CNOT4: variants seen among roughly 807,000 people sequenced by gnomAD.
CNOT4 encodes the protein CCR4-NOT transcription complex subunit 4.
CNOT4 carries 8 observed loss-of-function variants against 73.8 expected under a neutral mutation model. That is an observed-to-expected ratio of 0.11 (90% confidence interval 0.06 to 0.20). The LOEUF (loss-of-function observed/expected upper bound fraction) is 0.20, where lower values mean the gene tolerates loss of function less well. Ranked by LOEUF, CNOT4 falls within the 10% of genes least tolerant of loss-of-function variation. The probability of loss-of-function intolerance (pLI) is 1.00; values close to 1 mark genes in which losing one functional copy is unlikely to be tolerated. For synonymous variants in CNOT4, 293 were observed against 321.1 expected (o/e 0.91, Z 0.94); for missense variants, 564 against 883.4 (o/e 0.64, Z 4.58).
intron 2 of CNOT4, among the ~76,000 whole-genome samples, chr7:135,434,190 G>A (rs1799018851): frequency 6.6e-6 from 1 of 152,262 alleles, no homozygotes; most frequent in East Asian, 1.9e-4. Context: ...CCCTCTCTAG[G>A]CCTCTAGCAA....
chr7:135,422,464 T>C, intron 2 of CNOT4, 111 bp from the exon 3 acceptor site: 3 of 621,612 alleles, frequency 4.8e-6, no homozygotes, highest in Non-Finnish European at 8.6e-6. Context: ...ACATTCTCCC[T>C]TTATTAGAAT....
rs147031509 is a variant in CNOT4, at chr7:135,449,206, C to T, written c.-92-10783G>A. On this transcript the variant is annotated intron_variant, in intron 1 of 11. Coordinates refer to ENST00000541284, the MANE Select transcript of CNOT4 (RefSeq NM_001190850.2). ...GGATGCACATAAAGGTGATAAAAGT[C>T]ATGATAGTGACTACCTCTAAGGAAA... Among the ~76,000 whole-genome samples, 79 of 152,166 alleles carry T rather than the reference C, an allele frequency of 5.2e-4. 1 individual carries two copies. In the East Asian group the frequency reaches 0.014, roughly 28 times the overall value.
At chr7:135,419,491 A>T (rs948583521) in intron 3 of CNOT4, among the ~76,000 whole-genome samples, 2 of 152,202 alleles carry the variant, frequency 1.3e-5, no homozygotes, top group Admixed American at 6.5e-5. Context: ...ATAAAAAACA[A>T]AACACTTGTC....
At chr7:135,430,701 A>G (rs568992490) in intron 2 of CNOT4, among the ~76,000 whole-genome samples, 1 of 152,310 alleles carries the variant, frequency 6.6e-6, no homozygotes, top group East Asian at 1.9e-4. Flanking sequence ...AGGAGAAAAA[A>G]GTATAACCAT....
intron 1 of CNOT4, among the ~76,000 whole-genome samples, chr7:135,439,324 A>G (rs1013772107): frequency 2.0e-5 from 3 of 152,240 alleles, no homozygotes; most frequent in African/African-American, 7.2e-5. Context: ...GTTACATACA[A>G]GAATAAATGC....
chr7:135,477,517 C>G (rs1010810841), intron 1 of CNOT4, among the ~76,000 whole-genome samples: 1 of 152,090 alleles, frequency 6.6e-6, no homozygotes, highest in Non-Finnish European at 1.5e-5. Context: ...CATACACTCA[C>G]GAATATATCT....
rs1804219875 is a variant in CNOT4, at chr7:135,504,483, T to TA, written c.-93+5405_-93+5406insT. Among the ~76,000 whole-genome samples, 26 of 58,382 alleles carry TA rather than the reference T, an allele frequency of 4.5e-4. 4 individuals are homozygous for TA. Among genetic ancestry groups the TA allele is most frequent in the Admixed American group, 1.0e-3 (7 of 6,854 alleles). 38.3% of individuals were successfully genotyped at this position (58,382 alleles called of 152,430 possible). On this transcript the variant is annotated intron_variant, in intron 1 of 11. Transcript: ENST00000541284. ...GCTAATTTTTTTTTTTTTTTTTTTT[T>TA]TTTTTTATTTTTATTTTTTTTGAGA... is the stretch of plus-strand genomic sequence containing the variant.
intron 3 of CNOT4, among the ~76,000 whole-genome samples, chr7:135,418,729 T>C (rs999629311): frequency 1.3e-5 from 2 of 152,190 alleles, no homozygotes; most frequent in African/African-American, 2.4e-5. Flanking sequence ...TCCTGGGTTA[T>C]CACATATACC....
At chr7:135,499,002 T>C (rs189408244) in intron 1 of CNOT4, among the ~76,000 whole-genome samples, 25 of 152,286 alleles carry the variant, frequency 1.6e-4, no homozygotes, top group South Asian at 6.2e-4. Flanking sequence ...TAAGGACTCA[T>C]AGAGAATTCA....
chr7:135,403,477 G>C (rs928960391), intron 7 of CNOT4, among the ~76,000 whole-genome samples: 8 of 152,166 alleles, frequency 5.3e-5, no homozygotes, highest in Non-Finnish European at 1.0e-4. Flanking sequence ...CAAGAAGCTG[G>C]GTGTAGCACT....
At chr7:135,431,678 G>A (rs921734447) in intron 2 of CNOT4, among the ~76,000 whole-genome samples, 7 of 151,496 alleles carry the variant, frequency 4.6e-5, no homozygotes, top group Admixed American at 1.3e-4. Flanking sequence ...GGCAGGTGGA[G>A]GATGCAGTGA....
chr7:135,388,342 T>C lies in CNOT4; in HGVS notation c.1627+5576A>G, dbSNP rs537127306. Reference sequence around the variant, plus strand: ...CACCACCAATTTTGTTTTATATGTATTCTTTCTTCTCAAGTATTCAAAGAA... The same window carrying C: ...CACCACCAATTTTGTTTTATATGTACTCTTTCTTCTCAAGTATTCAAAGAA... On this transcript the variant is annotated intron_variant, in intron 10 of 11. Transcript: ENST00000541284. The C allele has an allele frequency of 2.3e-4, 231 of 984,736 alleles. 1 individual carries two copies. The African/African-American group carries it at 3.6e-3, about 16-fold the overall frequency. 61.0% of individuals were successfully genotyped at this position (984,736 alleles called of 1,614,324 possible).
chr7:135,402,610 G>C (rs1797058973), intron 7 of CNOT4, among the ~76,000 whole-genome samples: 1 of 152,100 alleles, frequency 6.6e-6, no homozygotes, highest in Non-Finnish European at 1.5e-5. Context: ...GAAACAAAGA[G>C]AAGAGGAACA....
chr7:135,486,510 C>G (rs1802730250), intron 1 of CNOT4, among the ~76,000 whole-genome samples: 1 of 152,196 alleles, frequency 6.6e-6, no homozygotes, highest in African/African-American at 2.4e-5. Context: ...TCTTTGAAAA[C>G]TAAATGCATA....
intron 1 of CNOT4, among the ~76,000 whole-genome samples, chr7:135,456,902 T>C (rs548275370): frequency 6.6e-6 from 1 of 152,042 alleles, no homozygotes; most frequent in African/African-American, 2.4e-5. Context: ...AGGACTACTG[T>C]GTAAGGTGGG....
At chr7:135,453,126 C>T (rs554023818) in intron 1 of CNOT4, among the ~76,000 whole-genome samples, 1 of 152,176 alleles carries the variant, frequency 6.6e-6, no homozygotes, top group South Asian at 2.1e-4. Flanking sequence ...AGCTTAAAAC[C>T]CTTCTAGTCC....
intron 10 of CNOT4, among the ~76,000 whole-genome samples, chr7:135,377,820 C>A (rs906377386): frequency 1.3e-5 from 2 of 152,000 alleles, no homozygotes; most frequent in East Asian, 3.9e-4. Flanking sequence ...TTGACAGAAC[C>A]AATTCTCAGT....
At chr7:135,439,816 G>C (rs1342472607) in intron 1 of CNOT4, among the ~76,000 whole-genome samples, 1 of 152,032 alleles carries the variant, frequency 6.6e-6, no homozygotes, top group Non-Finnish European at 1.5e-5. Flanking sequence ...GAATTTATGA[G>C]GTTTTAATAT....
chr7:135,496,289 C>T (rs10235488), intron 1 of CNOT4, among the ~76,000 whole-genome samples: 11,254 of 152,216 alleles, frequency 0.074, 497 homozygotes, highest in Middle Eastern at 0.12. Context: ...GACGGGGTTT[C>T]GCCATGTTGG....
Sources: gnomAD v4.1 joint callset for allele counts (sites outside exome capture counted in the v4.1 genomes callset) on GRCh38, gnomAD v4.1.1 for gene constraint, MANE v1.5 for transcripts, NCBI Gene and HGNC (gene_info 2026-07-23, HGNC 2026-07-21) for gene names.